POLK: variants seen among roughly 807,000 people sequenced by gnomAD.
POLK encodes the protein polymerase (DNA directed) kappa.
In POLK, 76 loss-of-function variants were observed where a neutral mutation model predicts 94.0. The observed-to-expected ratio is 0.81, with a 90% confidence interval of 0.67 to 0.98. The LOEUF is 0.98. Among genes scored for constraint, POLK ranks in the 50% least tolerant of loss-of-function variants. The pLI, the probability that POLK is intolerant of heterozygous loss-of-function variation, is 0.00. For missense variants in POLK, 954 were observed against 1,010.1 expected (o/e 0.94, Z 0.75); for synonymous variants, 349 against 325.4 (o/e 1.07, Z -0.78).
At chr5:75,569,103 T>C (rs1313148652) in intron 3 of POLK, among the ~76,000 whole-genome samples, 1 of 152,056 alleles carries the variant, frequency 6.6e-6, no homozygotes, top group Non-Finnish European at 1.5e-5. Flanking sequence ...CAATACAATA[T>C]ACATAGATAA....
At chr5:75,598,533 G>A (rs1319213438) in exon 15 of POLK, 1 of 152,534 alleles carries the variant, frequency 6.6e-6, no homozygotes, top group Non-Finnish European at 1.5e-5. Flanking sequence ...AGTATTATCT[G>A]TGTTAAAATG....
the POLK span, chr5:75,609,979 C>T: frequency 7.9e-5 from 12 of 152,116 alleles, no homozygotes; most frequent in East Asian, 1.7e-3. Flanking sequence ...TAAATGAAAA[C>T]CTGATTACCT....
chr5:75,536,316 G>T (rs1769443734), intron 1 of POLK, among the ~76,000 whole-genome samples: 1 of 152,148 alleles, frequency 6.6e-6, no homozygotes, highest in Non-Finnish European at 1.5e-5. Flanking sequence ...CAGAGAGGCT[G>T]CATTCTTGCA....
downstream of POLK, among the ~76,000 whole-genome samples, chr5:75,605,728 T>C (rs1773406871): frequency 6.6e-6 from 1 of 152,118 alleles, no homozygotes; most frequent in Non-Finnish European, 1.5e-5. Context: ...ATACCTAAGA[T>C]AGGGAGTCTA....
At chr5:75,511,968 G>T in intron 1 of POLK, 54 bp downstream of exon 1, 2 of 685,604 alleles carry the variant, frequency 2.9e-6, no homozygotes, top group Non-Finnish European at 2.4e-6. Context: ...TCAGTCGGTG[G>T]GTGGGCTTCG....
Position 75,543,676 on chromosome 5 carries a change from TG to T in POLK, c.-13-3332del, listed in dbSNP as rs112980977. 4.2e-3 allele frequency among the ~76,000 whole-genome samples: 641 copies of T among 152,326 alleles called. 6 individuals carry two copies. The highest frequency in any genetic ancestry group is 0.015 in the African/African-American group (606 of 41,566). ...GATAGTCAACATATGCCTATGAAAC[TG>T]GACAAAAGTTTCATGGTAATTAGGT... On this transcript the variant is annotated intron_variant, in intron 1 of 14. Transcript: ENST00000241436.
intron 1 of POLK, among the ~76,000 whole-genome samples, chr5:75,527,348 A>G (rs1179196885): frequency 6.6e-6 from 1 of 151,902 alleles, no homozygotes; most frequent in East Asian, 1.9e-4. Flanking sequence ...CTGTCTCTGC[A>G]AAAATAAATA....
intron 3 of POLK, among the ~76,000 whole-genome samples, chr5:75,556,630 A>T (rs1312583473): frequency 2.6e-5 from 4 of 151,924 alleles, no homozygotes; most frequent in African/African-American, 9.7e-5. Context: ...ATCTTCTAGG[A>T]ATTTTATAGT....
intron 10 of POLK, 109 bp downstream of exon 10, chr5:75,587,167 T>C (rs1772517041): frequency 7.4e-6 from 5 of 671,736 alleles, no homozygotes; most frequent in Non-Finnish European, 7.6e-6. Flanking sequence ...ATTTGCAAAT[T>C]ACTATAACAG....
At chr5:75,517,044 T>A (rs971732893) in intron 1 of POLK, among the ~76,000 whole-genome samples, 8 of 152,374 alleles carry the variant, frequency 5.3e-5, no homozygotes, top group African/African-American at 1.9e-4. Flanking sequence ...TTGGTTACTA[T>A]AGCTTTGTAG....
At chr5:75,570,561 T>G (rs1475478823) in intron 4 of POLK, among the ~76,000 whole-genome samples, 1 of 152,214 alleles carries the variant, frequency 6.6e-6, no homozygotes, top group Non-Finnish European at 1.5e-5. Context: ...ACTTCGTTAA[T>G]AGAGTACATT....
intron 9 of POLK, 85 bp from the exon 10 acceptor site, chr5:75,586,941 A>C (rs1712006452): frequency 2.2e-6 from 2 of 899,040 alleles, no homozygotes; most frequent in Non-Finnish European, 3.5e-6. Context: ...GAGCTCTAAA[A>C]GGTAATTGAT....
intron 3 of POLK, among the ~76,000 whole-genome samples, chr5:75,564,740 C>G (rs1179653859): frequency 1.3e-5 from 2 of 152,218 alleles, no homozygotes; most frequent in Non-Finnish European, 2.9e-5. Context: ...TGTAGGGTTT[C>G]TGCAGAGAGA....
intron 3 of POLK, among the ~76,000 whole-genome samples, chr5:75,564,773 T>G (rs1771174831): frequency 6.6e-6 from 1 of 152,212 alleles, no homozygotes; most frequent in Non-Finnish European, 1.5e-5. Flanking sequence ...CTGATGGACT[T>G]CCCTTTGTAA....
intron 7 of POLK, chr5:75,582,088 G>T: frequency 2.0e-6 from 2 of 985,516 alleles, no homozygotes; most frequent in Non-Finnish European, 2.4e-6. Flanking sequence ...TCCTGTCCAA[G>T]ATTACATTGC....
intron 3 of POLK, among the ~76,000 whole-genome samples, chr5:75,553,062 C>T (rs984858940): frequency 3.9e-5 from 6 of 152,114 alleles, no homozygotes; most frequent in African/African-American, 1.4e-4. Context: ...AATAAAAAGT[C>T]ACACTATAGA....
chr5:75,516,949 G>A (rs1451593509), intron 1 of POLK, among the ~76,000 whole-genome samples: 2 of 152,058 alleles, frequency 1.3e-5, no homozygotes, highest in Non-Finnish European at 2.9e-5. Flanking sequence ...AAATTACTTG[G>A]TTGTAAATGT....
At chr5:75,543,291 C>T (rs956698653) in intron 1 of POLK, among the ~76,000 whole-genome samples, 1 of 152,138 alleles carries the variant, frequency 6.6e-6, no homozygotes, top group Non-Finnish European at 1.5e-5. Context: ...CCACCCACCT[C>T]GGCCTCCCAA....
intron 3 of POLK, among the ~76,000 whole-genome samples, chr5:75,565,726 G>T (rs1197674689): frequency 6.6e-6 from 1 of 152,280 alleles, no homozygotes; most frequent in Non-Finnish European, 1.5e-5. Flanking sequence ...GAACAGCAAA[G>T]ATTGCTGCCT....
Sources: gnomAD v4.1 joint callset for allele counts (sites outside exome capture counted in the v4.1 genomes callset) on GRCh38, gnomAD v4.1.1 for gene constraint, MANE v1.5 for transcripts, NCBI Gene and HGNC (gene_info 2026-07-23, HGNC 2026-07-21) for gene names.